Variants in P2RX7 observed in about 807,000 individuals in gnomAD.
P2RX7 encodes the protein purinergic receptor P2X 7, also known as P2X purinoceptor 7.
Under a neutral mutation model 71.6 loss-of-function variants are expected in P2RX7, and 62 were observed. The ratio of observed to expected loss-of-function variants is 0.87; its 90% CI spans 0.71 to 1.07. The LOEUF (loss-of-function observed/expected upper bound fraction) is 1.07. Ranked by LOEUF, P2RX7 falls within the 50% of genes least tolerant of loss-of-function variation. The probability of loss-of-function intolerance (pLI) is 0.00; values close to 1 mark genes in which losing one functional copy is unlikely to be tolerated. For missense variants in P2RX7, 686 were observed against 748.5 expected (o/e 0.92, Z 0.97); for synonymous variants, 299 against 283.3 (o/e 1.06, Z -0.56).
chr12:121,159,137 G>T (rs1190466390), intron 3 of P2RX7, among the ~76,000 whole-genome samples: 1 of 152,130 alleles, frequency 6.6e-6, no homozygotes, highest in Non-Finnish European at 1.5e-5. Flanking sequence ...ACAATTTGTT[G>T]GCTGGGCATG....
chr12:121,177,332 C>G lies in P2RX7; in HGVS notation c.1074C>G (p.Tyr358Ter). 1 of 1,614,018 alleles carries G rather than the reference C, an allele frequency of 6.2e-7. No homozygotes were observed. The highest frequency in any genetic ancestry group is 8.5e-7 in the Non-Finnish European group (1 of 1,179,980). ...TCATCGACTTCCTCATCGACACTTA[C>G]TCCAGTAACTGCTGTCGCTCCCATA... ...AVFIDFLIDT[Y>*]SSNCCRSHIY... The change falls in exon 11 of 13, where the codon TAC becomes TAG. Residue 358 changes from tyrosine to a stop codon, truncating the protein, a stop_gained. Coordinates refer to ENST00000328963, the MANE Select transcript of P2RX7 (RefSeq NM_002562.6). LOFTEE classifies it high-confidence loss of function.
intron 8 of P2RX7, among the ~76,000 whole-genome samples, chr12:121,170,636 G>T (rs977823506): frequency 3.3e-5 from 5 of 152,216 alleles, no homozygotes; most frequent in Admixed American, 2.6e-4. Flanking sequence ...TTAGCTGGAC[G>T]TGGTGACAGG....
In P2RX7 at chr12:121,149,076, C is replaced by T. The variant is rs1876861442; in HGVS notation, c.126-5709C>T. ...TGCAGAGCTTGAAGAGCAATCTAAC[C>T]ATGCTGGCATGGGGCCCATCCCACC... On this transcript the variant is annotated intron_variant, in intron 1 of 12. Transcript: ENST00000328963. This position sits in a 1 kb window ranked among gnomAD's most constrained non-coding sequence, Gnocchi z 4.7. The T allele has an allele frequency of 6.8e-6, 4 of 584,500 alleles. No homozygotes were observed. Among genetic ancestry groups the T allele is most frequent in the South Asian group, 5.6e-5 (4 of 70,906 alleles). 36.2% of individuals were successfully genotyped at this position (584,500 alleles called of 1,614,324 possible).
intron 12 of P2RX7, among the ~76,000 whole-genome samples, chr12:121,181,325 G>GCCAAA (rs1347137143): frequency 2.0e-5 from 3 of 152,178 alleles, no homozygotes; most frequent in African/African-American, 7.2e-5. Context: ...CATTTGGGTA[G>GCCAAA]TGTCCAGTTT....
Position 121,180,338 on chromosome 12 carries a change from A to C in P2RX7, c.1189-16A>C, listed in dbSNP as rs2567998. ...CTGTACAAAAATGGGTAAACTTTCA[A>C]ACCATCTTTTCCTAGACATTAAAGT... On this transcript the variant is annotated splice_polypyrimidine_tract_variant and intron_variant, in intron 11 of 12. Transcript: ENST00000328963. 5,398 of 1,472,950 alleles carry C rather than the reference A, an allele frequency of 3.7e-3. 172 individuals are homozygous for C. The African/African-American group carries it at 0.067, about 18-fold the overall frequency. The allele number at this position is 1,472,950 out of a possible 1,614,324, so 91.2% of individuals were successfully genotyped here.
chr12:121,177,117 C>G, intron 9 of P2RX7, 30 bp from the exon 10 acceptor site: 1 of 1,600,902 alleles, frequency 6.2e-7, no homozygotes, highest in Non-Finnish European at 8.6e-7. Flanking sequence ...CTGAATTTCA[C>G]CTGAGTAAAC....
At position 121,184,617 on chromosome 12, in the gene P2RX7, G is replaced by A; in HGVS notation, c.1603G>A (p.Ala535Thr). The change falls in exon 13 of 13, where the codon GCG becomes ACG. Residue 535 changes from alanine (A) to threonine (T), a missense_variant. Transcript: ENST00000328963. ...FLLLYQEPLL[A>T]LDVDSTNSRL... Reference sequence around the variant, plus strand: ...CCTGCTCTACCAGGAGCCCTTGCTGGCGCTGGATGTGGATTCCACCAACAG... The same window carrying A: ...CCTGCTCTACCAGGAGCCCTTGCTGACGCTGGATGTGGATTCCACCAACAG... 6.2e-7 allele frequency: 1 copy of A among 1,612,246 alleles called. No individual in the cohort carries two copies. Among genetic ancestry groups the A allele is most frequent in the Non-Finnish European group, 8.5e-7 (1 of 1,179,374 alleles).
chr12:121,160,992 T>TC lies in P2RX7; in HGVS notation c.436+21dup, dbSNP rs1440867524. The TC allele has an allele frequency of 6.2e-7, 1 of 1,600,890 alleles. No homozygotes were observed. The highest frequency in any genetic ancestry group is 8.6e-7 in the Non-Finnish European group (1 of 1,168,062). ...GAGCAAAGGTACCTTCTGTTTCTTTTCCCGAGACCCTAGGGGTGGATGGTC... is the reference window on the plus strand; with the variant it reads ...GAGCAAAGGTACCTTCTGTTTCTTTTCCCCGAGACCCTAGGGGTGGATGGTC... On this transcript the variant is annotated intron_variant, in intron 4 of 12. Transcript: ENST00000328963.
intron 3 of P2RX7, among the ~76,000 whole-genome samples, chr12:121,157,731 A>C (rs972494284): frequency 1.3e-5 from 2 of 152,170 alleles, no homozygotes; most frequent in African/African-American, 4.8e-5. Flanking sequence ...AAGGTTCAAA[A>C]CTTAAACTTC....
chr12:121,161,005 G>C (rs761319746), intron 4 of P2RX7, 31 bp downstream of exon 4: 2 of 1,547,078 alleles, frequency 1.3e-6, no homozygotes, highest in East Asian at 2.2e-5. Flanking sequence ...CGAGACCCTA[G>C]GGGTGGATGG....
intron 1 of P2RX7, among the ~76,000 whole-genome samples, chr12:121,134,676 G>A (rs1452154948): frequency 6.6e-6 from 1 of 152,206 alleles, no homozygotes; most frequent in East Asian, 1.9e-4. Context: ...ACAGGCATGA[G>A]CCGCCACGCC....
At chr12:121,137,923 AAGCAGGG>A (rs1874037462) in intron 1 of P2RX7, among the ~76,000 whole-genome samples, 1 of 152,194 alleles carries the variant, frequency 6.6e-6, no homozygotes. Flanking sequence ...ATGGGATACA[AAGCAGGG>A]ACTGGTTATG....
intron 8 of P2RX7, 37 bp from the exon 9 acceptor site, chr12:121,175,351 A>C: frequency 7.3e-7 from 1 of 1,372,958 alleles, no homozygotes; most frequent in Non-Finnish European, 1.0e-6. Flanking sequence ...GCACTTTCAA[A>C]GGGATCTTAC....
At chr12:121,152,977 T>C (rs1280136511) in intron 1 of P2RX7, among the ~76,000 whole-genome samples, 1 of 152,232 alleles carries the variant, frequency 6.6e-6, no homozygotes, top group Non-Finnish European at 1.5e-5. Flanking sequence ...AGGGCACAAA[T>C]GTAAGAGTTT....
chr12:121,145,001 G>A (rs946942117), intron 1 of P2RX7, among the ~76,000 whole-genome samples: 7 of 152,168 alleles, frequency 4.6e-5, no homozygotes, highest in Admixed American at 2.0e-4. Flanking sequence ...TACAAATGGA[G>A]ATGTTGAATG....
Position 121,133,198 on chromosome 12 carries a change from C to A in P2RX7, c.125+103C>A, listed in dbSNP as rs777935040. The A allele has an allele frequency of 2.3e-4, 316 of 1,355,084 alleles. 1 individual carries two copies. The highest frequency in any genetic ancestry group is 4.0e-4 in the Middle Eastern group (2 of 5,034). 83.9% of individuals were successfully genotyped at this position (1,355,084 alleles called of 1,614,324 possible). On this transcript the variant is annotated intron_variant, in intron 1 of 12. Transcript: ENST00000328963. Reference sequence around the variant, plus strand: ...CACATTCTGAATCTCACATGGTTTTCGAATCTGAGACGTGCTCTCACAGCC... The same window carrying A: ...CACATTCTGAATCTCACATGGTTTTAGAATCTGAGACGTGCTCTCACAGCC...
rs560074963 is a variant in P2RX7 at position 121,151,166 on chromosome 12, G to A, written c.126-3619G>A. Among the ~76,000 whole-genome samples the A allele has an allele frequency of 7.2e-5, 11 of 152,222 alleles. No individual in the cohort carries two copies. The East Asian group carries it at 1.5e-3, about 21-fold the overall frequency. On this transcript the variant is annotated intron_variant, in intron 1 of 12. Coordinates refer to ENST00000328963, the MANE Select transcript of P2RX7 (RefSeq NM_002562.6). ...TTGAGCCCAGGAGTTTGTGGCTGTC[G>A]TGTGCTGATTGCACCTGTGAAATAG...
rs566690200 is a variant in P2RX7, at chr12:121,149,740, T to C, written c.126-5045T>C. On this transcript the variant is annotated intron_variant, in intron 1 of 12. Transcript: ENST00000328963. This position sits in a 1 kb window ranked among gnomAD's most constrained non-coding sequence, Gnocchi z 4.7. Reference sequence around the variant, plus strand: ...TCTACTTCCCAAAATCTTTCCAGCTTTGTTCTTTTTTAGAGACTGGAGTCT... The same window carrying C: ...TCTACTTCCCAAAATCTTTCCAGCTCTGTTCTTTTTTAGAGACTGGAGTCT... 2.4e-3 allele frequency among the ~76,000 whole-genome samples: 366 copies of C among 152,220 alleles called. No homozygotes were observed. The highest frequency in any genetic ancestry group is 4.3e-3 in the Non-Finnish European group (293 of 68,020).
rs544002714 is a variant in P2RX7 at position 121,157,240 on chromosome 12, C to G, written c.363+1093C>G. 4.6e-5 allele frequency among the ~76,000 whole-genome samples: 7 copies of G among 152,308 alleles called. No individual in the cohort carries two copies. The East Asian group carries it at 1.4e-3, about 29-fold the overall frequency. On this transcript the variant is annotated intron_variant, in intron 3 of 12. Transcript: ENST00000328963. ...CCAGATCCTCCACTGATGAGCAGGA[C>G]CAGCCCTGCCGGTGGAGTTTTGCTC...
Sources: gnomAD v4.1 joint callset for allele counts (sites outside exome capture counted in the v4.1 genomes callset) on GRCh38, gnomAD v4.1.1 for gene constraint, Gnocchi (gnomAD v3.1) non-coding constraint, MANE v1.5 for transcripts, NCBI Gene and HGNC (gene_info 2026-07-23, HGNC 2026-07-21) for gene names.